AFMID: variants seen among roughly 807,000 people sequenced by gnomAD.
AFMID encodes kynurenine formamidase.
A neutral mutation model predicts 47.5 loss-of-function variants in AFMID; 39 were observed. That is an observed-to-expected ratio of 0.82 (90% CI 0.64 to 1.07). AFMID has a LOEUF of 1.07. Among genes scored for constraint, AFMID ranks in the 50% least tolerant of loss-of-function variants. AFMID has a pLI of 0.00. For missense variants in AFMID, 375 were observed against 387.5 expected (o/e 0.97, Z 0.27); for synonymous variants, 130 against 153.2 (o/e 0.85, Z 1.12).
chr17:78,202,173 C>T (rs1482248109), intron 2 of AFMID, among the ~76,000 whole-genome samples: 2 of 151,288 alleles, frequency 1.3e-5, no homozygotes, highest in South Asian at 4.2e-4. Flanking sequence ...GCCTGTAATC[C>T]CAGCACTTTG....
At chr17:78,205,780 G>A (rs758827116) in intron 9 of AFMID, 42 bp downstream of exon 9, 2 of 1,604,182 alleles carry the variant, frequency 1.2e-6, no homozygotes, top group South Asian at 2.2e-5. Flanking sequence ...CGAGGGTCAT[G>A]TGGGCTCATT....
At chr17:78,198,717 G>A (rs1248440369) in intron 2 of AFMID, among the ~76,000 whole-genome samples, 2 of 152,056 alleles carry the variant, frequency 1.3e-5, no homozygotes. Context: ...GAGGAGACAG[G>A]AGAATCACTT....
intron 7 of AFMID, 64 bp from the exon 8 acceptor site, chr17:78,205,376 G>T: frequency 6.3e-7 from 1 of 1,575,528 alleles, no homozygotes; most frequent in Non-Finnish European, 8.7e-7. Flanking sequence ...TGGCGGTGGG[G>T]GTGGGCTGGC....
At chr17:78,194,274 G>A (rs940632948) in intron 2 of AFMID, among the ~76,000 whole-genome samples, 36 of 151,834 alleles carry the variant, frequency 2.4e-4, no homozygotes, top group African/African-American at 4.1e-4. Context: ...TTACAGGCGC[G>A]TGCCACCACG....
chr17:78,201,347 A>G (rs1205757158), intron 2 of AFMID, among the ~76,000 whole-genome samples: 35 of 150,936 alleles, frequency 2.3e-4, no homozygotes, highest in Admixed American at 2.2e-3. Context: ...GAGGCCAGGC[A>G]CAGTGGCTCA....
intron 7 of AFMID, 28 bp downstream of exon 7, chr17:78,205,218 G>A (rs1316108134): frequency 1.9e-6 from 3 of 1,593,598 alleles, no homozygotes; most frequent in East Asian, 2.3e-5. Context: ...AGCCTGGCTG[G>A]GCAACCTTCA....
chr17:78,195,544 C>T (rs1328577783), intron 2 of AFMID, among the ~76,000 whole-genome samples: 1 of 149,760 alleles, frequency 6.7e-6, no homozygotes, highest in African/African-American at 2.5e-5. Flanking sequence ...CTCTTGTTAC[C>T]CAGGCTGGAG....
intron 2 of AFMID, among the ~76,000 whole-genome samples, chr17:78,195,054 G>A (rs996324990): frequency 6.6e-6 from 1 of 152,048 alleles, no homozygotes; most frequent in African/African-American, 2.4e-5. Context: ...AGATACAAAA[G>A]TTCAAATTCT....
intron 2 of AFMID, among the ~76,000 whole-genome samples, chr17:78,194,362 T>A (rs1057337508): frequency 4.6e-5 from 7 of 152,114 alleles, no homozygotes; most frequent in Non-Finnish European, 8.8e-5. Context: ...TGGCCTCGAG[T>A]GATCTGCTCG....
intron 2 of AFMID, among the ~76,000 whole-genome samples, chr17:78,198,661 TAGAC>T (rs1251215807): frequency 1.4e-5 from 2 of 146,766 alleles, no homozygotes; most frequent in African/African-American, 2.5e-5. Flanking sequence ...AAAAAAAAAT[TAGAC>T]AGGTGTGGTG....
chr17:78,205,310 C>A, intron 7 of AFMID, 120 bp downstream of exon 7: 3 of 1,430,484 alleles, frequency 2.1e-6, no homozygotes, highest in South Asian at 1.2e-5. Context: ...GCTTCGAGCC[C>A]TCTGAGCAAG....
At chr17:78,194,756 G>A (rs991931610) in intron 2 of AFMID, among the ~76,000 whole-genome samples, 2 of 151,936 alleles carry the variant, frequency 1.3e-5, no homozygotes, top group Non-Finnish European at 2.9e-5. Context: ...GTGCAATGGC[G>A]CAATCTCGGC....
chr17:78,203,573 GT>G (rs1165617917), intron 4 of AFMID: 4 of 151,860 alleles, frequency 2.6e-5, no homozygotes, highest in African/African-American at 9.7e-5. Flanking sequence ...GGGGTTTTCA[GT>G]ACTTTAGGAA....
intron 2 of AFMID, among the ~76,000 whole-genome samples, chr17:78,194,780 C>G (rs1307125602): frequency 6.6e-6 from 1 of 152,054 alleles, no homozygotes; most frequent in Admixed American, 6.6e-5. Context: ...CCGCAACCTC[C>G]GCCTCCCAGG....
intron 7 of AFMID, 64 bp from the exon 8 acceptor site, chr17:78,205,376 G>A (rs2076351554): frequency 6.3e-7 from 1 of 1,575,410 alleles, no homozygotes; most frequent in Admixed American, 1.7e-5. Flanking sequence ...TGGCGGTGGG[G>A]GTGGGCTGGC....
At chr17:78,196,560 TC>T (rs1228898592) in intron 2 of AFMID, among the ~76,000 whole-genome samples, 2 of 151,924 alleles carry the variant, frequency 1.3e-5, no homozygotes, top group Non-Finnish European at 2.9e-5. Context: ...ATGCCTGTAA[TC>T]CCAGCCACCG....
intron 2 of AFMID, among the ~76,000 whole-genome samples, chr17:78,198,683 C>T (rs556060633): frequency 3.3e-5 from 5 of 151,886 alleles, no homozygotes; most frequent in Non-Finnish European, 7.4e-5. Flanking sequence ...GTGGCGCACA[C>T]CTGTAATCCC....
intron 2 of AFMID, among the ~76,000 whole-genome samples, chr17:78,196,556 G>A (rs1033964742): frequency 1.2e-4 from 18 of 152,046 alleles, no homozygotes; most frequent in African/African-American, 3.6e-4. Context: ...GCACATGCCT[G>A]TAATCCCAGC....
chr17:78,187,506 A>C, intron 1 of AFMID, 73 bp downstream of exon 1: 1 of 1,584,118 alleles, frequency 6.3e-7, no homozygotes, highest in East Asian at 2.2e-5. Flanking sequence ...AATTCCAAGA[A>C]GGAAGCTTAG....
Sources: gnomAD v4.1 joint callset for allele counts (sites outside exome capture counted in the v4.1 genomes callset) on GRCh38, gnomAD v4.1.1 for gene constraint, MANE v1.5 for transcripts, NCBI Gene and HGNC (gene_info 2026-07-23, HGNC 2026-07-21) for gene names.